The following XRCC5 variants were observed in gnomAD, a reference collection of about 807,000 sequenced individuals.
The protein encoded by XRCC5 is X-ray repair cross complementing 5, also known as DNA repair protein Ku80.
In XRCC5, 12 loss-of-function variants were observed where a neutral mutation model predicts 95.7. That is an observed-to-expected ratio of 0.13 (90% CI 0.08 to 0.20). The LOEUF is 0.20. Ranked by LOEUF, XRCC5 falls within the 10% of genes least tolerant of loss-of-function variation. The probability of loss-of-function intolerance (pLI) is 1.00; values close to 1 mark genes in which losing one functional copy is unlikely to be tolerated. For synonymous variants in XRCC5, 281 were observed against 290.3 expected (o/e 0.97, Z 0.33); for missense variants, 595 against 873.9 (o/e 0.68, Z 4.02).
At chr2:216,191,821 G>C (rs41302526) in intron 17 of XRCC5, among the ~76,000 whole-genome samples, 1,596 of 152,226 alleles carry the variant, frequency 0.01, 23 homozygotes, top group African/African-American at 0.036. Context: ...TTTTTATGTG[G>C]TGTTAATGGC....
chr2:216,180,653 A>G (rs1477382139), intron 16 of XRCC5, among the ~76,000 whole-genome samples: 3 of 152,118 alleles, frequency 2.0e-5, no homozygotes, highest in Non-Finnish European at 4.4e-5. Context: ...GGAGGTTGGC[A>G]TAACCTGGTC....
chr2:216,121,023 A>G (rs1028790269), intron 5 of XRCC5, among the ~76,000 whole-genome samples: 1 of 152,252 alleles, frequency 6.6e-6, no homozygotes, highest in African/African-American at 2.4e-5. Context: ...GGCGTGAGCC[A>G]CTGTGCCTGG....
chr2:216,137,259 T>A (rs1697099479), intron 11 of XRCC5, 34 bp downstream of exon 11: 1 of 1,595,604 alleles, frequency 6.3e-7, no homozygotes, highest in Non-Finnish European at 8.5e-7. Context: ...ATTTTTTTTC[T>A]TCAGTTCCTT....
chr2:216,149,448 A>G (rs552376642), intron 14 of XRCC5, among the ~76,000 whole-genome samples: 36 of 152,198 alleles, frequency 2.4e-4, no homozygotes, highest in African/African-American at 8.4e-4. Context: ...TGTTTAGTCT[A>G]TCGTTCTACA....
chr2:216,123,793 G>A (rs536294429), intron 6 of XRCC5, among the ~76,000 whole-genome samples: 178 of 152,282 alleles, frequency 1.2e-3, no homozygotes, highest in South Asian at 0.011. Context: ...GTGACAGAGC[G>A]AGACTCCGTC....
At chr2:216,195,355 C>A (rs1574435037) in intron 19 of XRCC5, among the ~76,000 whole-genome samples, 1 of 73,728 alleles carries the variant, frequency 1.4e-5, no homozygotes, top group Non-Finnish European at 2.5e-5. Context: ...TTTTTCTTTT[C>A]TTTTCTTTTC....
At chr2:216,138,658 C>T (rs1045730681) in intron 12 of XRCC5, among the ~76,000 whole-genome samples, 1 of 152,184 alleles carries the variant, frequency 6.6e-6, no homozygotes, top group African/African-American at 2.4e-5. Context: ...GGAGTTACTT[C>T]AGGCTTGATG....
intron 16 of XRCC5, among the ~76,000 whole-genome samples, chr2:216,170,599 A>G (rs949813913): frequency 2.3e-4 from 35 of 152,286 alleles, no homozygotes; most frequent in African/African-American, 8.2e-4. Flanking sequence ...ACCTCCTACC[A>G]GGCTCCTCCT....
chr2:216,188,770 T>C (rs747547594), intron 16 of XRCC5, among the ~76,000 whole-genome samples: 8 of 152,246 alleles, frequency 5.3e-5, no homozygotes, highest in Non-Finnish European at 1.0e-4. Context: ...TTGTATTATT[T>C]ACCTTGTTTA....
intron 19 of XRCC5, among the ~76,000 whole-genome samples, chr2:216,197,895 A>G (rs1043103059): frequency 4.6e-5 from 7 of 152,230 alleles, no homozygotes; most frequent in African/African-American, 1.7e-4. Flanking sequence ...TTTGACTGCT[A>G]AAGAACCATT....
intron 13 of XRCC5, among the ~76,000 whole-genome samples, chr2:216,142,677 G>T (rs1697191522): frequency 6.6e-6 from 1 of 152,166 alleles, no homozygotes; most frequent in South Asian, 2.1e-4. Flanking sequence ...CAGGTTGGGG[G>T]TAACAGGGCA....
chr2:216,194,826 C>A, intron 18 of XRCC5, 93 bp from the exon 19 acceptor site: 2 of 1,170,130 alleles, frequency 1.7e-6, no homozygotes, highest in Non-Finnish European at 2.5e-6. Flanking sequence ...AAGAAATCTT[C>A]AGCTCAAAGG....
intron 2 of XRCC5, 45 bp downstream of exon 2, chr2:216,113,174 G>A (rs374905283): frequency 4.6e-6 from 7 of 1,514,200 alleles, no homozygotes; most frequent in Non-Finnish European, 6.4e-6. Context: ...TGTTTGAACT[G>A]CTTGTTGCCT....
At chr2:216,167,794 GTCAC>G (rs1248175614) in intron 16 of XRCC5, among the ~76,000 whole-genome samples, 1 of 152,032 alleles carries the variant, frequency 6.6e-6, no homozygotes. Flanking sequence ...AATACAAACA[GTCAC>G]TAAAATTTTA....
At chr2:216,187,866 G>A (rs79315794) in intron 16 of XRCC5, among the ~76,000 whole-genome samples, 3 of 49,830 alleles carry the variant, frequency 6.0e-5, no homozygotes, top group East Asian at 5.1e-4. Flanking sequence ...CTCTCTCCCC[G>A]TCTCCCTGTC....
At chr2:216,159,988 G>A in intron 14 of XRCC5, 80 bp from the exon 15 acceptor site, 1 of 570,354 alleles carries the variant, frequency 1.8e-6, no homozygotes, top group Non-Finnish European at 2.8e-6. Context: ...TTTTTTTTTG[G>A]TGCTTGGAAA....
chr2:216,203,325 C>T (rs1286695249), intron 19 of XRCC5, among the ~76,000 whole-genome samples: 1 of 152,150 alleles, frequency 6.6e-6, no homozygotes, highest in Admixed American at 6.5e-5. Flanking sequence ...TTTCCACTGC[C>T]CTCTCTAAAA....
chr2:216,154,189 A>G (rs1405106414), intron 14 of XRCC5, among the ~76,000 whole-genome samples: 1 of 152,228 alleles, frequency 6.6e-6, no homozygotes, highest in Non-Finnish European at 1.5e-5. Flanking sequence ...CAAGTTGCTC[A>G]GTGTCAAGTG....
At chr2:216,169,196 C>T (rs1197116614) in intron 16 of XRCC5, among the ~76,000 whole-genome samples, 1 of 152,214 alleles carries the variant, frequency 6.6e-6, no homozygotes, top group Non-Finnish European at 1.5e-5. Context: ...CAGCAGGTTA[C>T]AGGAGGAGCT....
Sources: gnomAD v4.1 joint callset for allele counts (sites outside exome capture counted in the v4.1 genomes callset) on GRCh38, gnomAD v4.1.1 for gene constraint, MANE v1.5 for transcripts, NCBI Gene and HGNC (gene_info 2026-07-23, HGNC 2026-07-21) for gene names.